The following DHX36 variants were observed in gnomAD, a reference collection of about 807,000 sequenced individuals.
DHX36 encodes the protein DEAH-box helicase 36.
DHX36 carries 50 observed loss-of-function variants against 139.0 expected under a neutral mutation model. The ratio of observed to expected loss-of-function variants is 0.36; its 90% confidence interval spans 0.29 to 0.46. The LOEUF (loss-of-function observed/expected upper bound fraction) is 0.46, where lower values mean the gene tolerates loss of function less well. Among genes scored for constraint, DHX36 ranks in the 20% least tolerant of loss-of-function variants. The pLI is 1.00. For missense variants in DHX36, 1,024 were observed against 1,211.3 expected, an observed-to-expected ratio of 0.85 and a Z score of 2.29; for synonymous variants, 425 against 401.9, an observed-to-expected ratio of 1.06 and a Z score of -0.69.
intron 22 of DHX36, 102 bp from the exon 23 acceptor site, chr3:154,277,820 C>G (rs1400032917): frequency 9.1e-7 from 1 of 1,095,018 alleles, no homozygotes; most frequent in Non-Finnish European, 1.2e-6. Context: ...TGGTAAAAAC[C>G]AAACAAATCC....
At chr3:154,323,056 C>T (rs1051084972) in intron 1 of DHX36, among the ~76,000 whole-genome samples, 6 of 152,170 alleles carry the variant, frequency 3.9e-5, no homozygotes, top group African/African-American at 1.4e-4. Flanking sequence ...TAGTCTAGGC[C>T]TGGCGTGGTG....
intron 13 of DHX36, 69 bp downstream of exon 13, chr3:154,295,215 C>T (rs760419447): frequency 2.2e-5 from 20 of 898,290 alleles, no homozygotes; most frequent in Admixed American, 5.7e-5. Context: ...AAGGAAAACA[C>T]GTAACAAGCA....
chr3:154,319,014 A>G (rs1393797889), intron 1 of DHX36: 1 of 152,152 alleles, frequency 6.6e-6, no homozygotes, highest in Non-Finnish European at 1.5e-5. Flanking sequence ...AAATAAAAAC[A>G]TTTGTATTTT....
At chr3:154,293,059 G>A (rs970446873) in intron 14 of DHX36, among the ~76,000 whole-genome samples, 1 of 151,998 alleles carries the variant, frequency 6.6e-6, no homozygotes, top group African/African-American at 2.4e-5. Context: ...TCAGCTTCCA[G>A]AAAAGAATCT....
chr3:154,295,895 G>A (rs1437137933), intron 12 of DHX36, among the ~76,000 whole-genome samples: 1 of 151,970 alleles, frequency 6.6e-6, no homozygotes, highest in East Asian at 1.9e-4. Flanking sequence ...AGCCTCCCGA[G>A]TAGCTGAGAC....
In DHX36 at chr3:154,312,871, ATATATATATATATATATATATATATATAT is replaced by A. The variant is rs1168202603; in HGVS notation, c.604-1226_604-1198del. ...AATTAAAATATATATATATATATAT[ATATATATATATATATATATATATATATAT>A]AAAATAAATAAAGAACTGTCTTTGG... On this transcript the variant is annotated intron_variant, in intron 3 of 24. Transcript: ENST00000496811. Among the ~76,000 whole-genome samples, 5 of 102,726 alleles carry A rather than the reference ATATATATATATATATATATATATATATAT, an allele frequency of 4.9e-5. No individual in the cohort carries two copies. In the South Asian group the frequency reaches 8.8e-4, roughly 18 times the overall value. 67.4% of individuals were successfully genotyped at this position (102,726 alleles called of 152,430 possible). A position where few individuals can be genotyped will look rare whatever the true frequency, so the allele number is the denominator to read the frequency against.
intron 12 of DHX36, among the ~76,000 whole-genome samples, chr3:154,297,421 C>T (rs1428139064): frequency 6.6e-6 from 1 of 152,174 alleles, no homozygotes; most frequent in Admixed American, 6.5e-5. Flanking sequence ...CATTAAGATT[C>T]TCTAGTTTTG....
chr3:154,293,350 T>G (rs983750678), intron 14 of DHX36, among the ~76,000 whole-genome samples: 1 of 152,074 alleles, frequency 6.6e-6, no homozygotes, highest in African/African-American at 2.4e-5. Flanking sequence ...GAGGTTGAGG[T>G]AATAGGATCA....
At chr3:154,323,084 C>T (rs532586735) in intron 1 of DHX36, among the ~76,000 whole-genome samples, 129 of 152,294 alleles carry the variant, frequency 8.5e-4, no homozygotes, top group Middle Eastern at 3.4e-3. Flanking sequence ...CCTGTAATCC[C>T]AGCACTTTGG....
intron 6 of DHX36, 71 bp downstream of exon 6, chr3:154,306,145 C>G: frequency 1.7e-6 from 2 of 1,150,756 alleles, no homozygotes; most frequent in East Asian, 2.4e-5. Context: ...GGAAAATATC[C>G]TTTCTTTTGA....
rs780381449 is a variant in DHX36, at chr3:154,311,617, G to C, written c.642+19C>G. 6 of 1,588,122 alleles carry C rather than the reference G, an allele frequency of 3.8e-6. No homozygotes were observed. In the African/African-American group the frequency reaches 8.2e-5, roughly 22 times the overall value. The stretch of plus-strand genomic sequence containing the variant: ...TTTAATTTGCAAATCAAATTAAATA[G>C]TGGAAAAAAGCACTTTACCTTTTGC... On this transcript the variant is annotated intron_variant, in intron 4 of 24. Coordinates refer to ENST00000496811, the MANE Select transcript of DHX36 (RefSeq NM_020865.3).
intron 2 of DHX36, 55 bp from the exon 3 acceptor site, chr3:154,315,335 GAACAAAACAA>G: frequency 1.6e-6 from 2 of 1,274,878 alleles, no homozygotes; most frequent in South Asian, 1.4e-5. Flanking sequence ...TCAAACACTG[GAACAAAACAA>G]AACAAAACAA....
intron 6 of DHX36, 160 bp from the exon 7 acceptor site, chr3:154,305,328 T>C (rs1712457172): frequency 1.7e-6 from 1 of 591,866 alleles, no homozygotes; most frequent in African/African-American, 1.9e-5. Context: ...AATGGGGTAA[T>C]GGGAAATACT....
chr3:154,312,773 A>T (rs1712807618), intron 3 of DHX36, among the ~76,000 whole-genome samples: 1 of 147,354 alleles, frequency 6.8e-6, no homozygotes, highest in Non-Finnish European at 1.5e-5. Context: ...GGTTGTGGTG[A>T]GCCGAGATCG....
rs1712766594 is a variant in DHX36 at position 154,311,630 on chromosome 3, CTT to C, written c.642+4_642+5del. 6.3e-7 allele frequency: 1 copy of C among 1,595,418 alleles called. No homozygotes were observed. Among genetic ancestry groups the C allele is most frequent in the Non-Finnish European group, 8.5e-7 (1 of 1,174,440 alleles). On this transcript the variant is annotated splice_donor_5th_base_variant and intron_variant, in intron 4 of 24. Transcript: ENST00000496811. ...TCAAATTAAATAGTGGAAAAAAGCA[CTT>C]TACCTTTTGCATTCCATACGAAGGC...
Position 154,289,829 on chromosome 3 carries a change from T to TAAA in DHX36, c.1815-6_1815-4dup. Reference sequence around the variant, plus strand: ...GATAGCAATGACCAGGTTGAACTCTTAAAAAAAAAACAAAACAAAATGAAA... The same window carrying TAAA: ...GATAGCAATGACCAGGTTGAACTCTTAAAAAAAAAAAAACAAAACAAAATGAAA... On this transcript the variant is annotated splice_polypyrimidine_tract_variant and splice_region_variant and intron_variant, in intron 15 of 24. Coordinates refer to ENST00000496811, the MANE Select transcript of DHX36 (RefSeq NM_020865.3). 5 of 1,394,950 alleles carry TAAA rather than the reference T, an allele frequency of 3.6e-6. No homozygotes were observed. The highest frequency in any genetic ancestry group is 1.4e-5 in the South Asian group (1 of 72,682). The allele number at this position is 1,394,950 out of a possible 1,614,324, so 86.4% of individuals were successfully genotyped here. A position where few individuals can be genotyped will look rare whatever the true frequency, so the allele number is the denominator to read the frequency against.
At position 154,284,098 on chromosome 3, in the gene DHX36, G is replaced by A. The variant is rs578187512; in HGVS notation, c.2292+485C>T. Reference sequence around the variant, plus strand: ...AATGAACTATTACAAAATTAAAAATGAATTATAACTTTTTTCAAATGTTCA... The same window carrying A: ...AATGAACTATTACAAAATTAAAAATAAATTATAACTTTTTTCAAATGTTCA... On this transcript the variant is annotated intron_variant, in intron 19 of 24. Transcript: ENST00000496811. 2.0e-5 allele frequency among the ~76,000 whole-genome samples: 3 copies of A among 152,192 alleles called. No homozygotes were observed. The South Asian group carries it at 6.2e-4, about 32-fold the overall frequency.
chr3:154,288,962 A>G lies in DHX36; in HGVS notation c.1935T>C (p.Ile645=). 6.6e-7 allele frequency: 1 copy of G among 1,521,480 alleles called. No homozygotes were observed. The highest frequency in any genetic ancestry group is 8.9e-7 in the Non-Finnish European group (1 of 1,119,836). 94.2% of individuals were successfully genotyped at this position (1,521,480 alleles called of 1,614,324 possible). ...AATAAGCAATTCCACCTAGCCTTAA[A>G]ATCTAAGTGGGGGAGACAAATATTA... is the stretch of plus-strand genomic sequence containing the variant. ...PLEELCLQIK[I]LRLGGIAYFL... is the part of the protein sequence containing the mutation. The change falls in exon 17 of 25, where the codon ATT becomes ATC. Residue 645 remains isoleucine, a splice_region_variant and synonymous_variant. Coordinates refer to ENST00000496811, the MANE Select transcript of DHX36 (RefSeq NM_020865.3).
chr3:154,286,639 C>T (rs750108726), intron 17 of DHX36, among the ~76,000 whole-genome samples: 2 of 151,646 alleles, frequency 1.3e-5, no homozygotes, highest in Non-Finnish European at 2.9e-5. Flanking sequence ...CCCAAATAAA[C>T]AGAGGAATAG....
Sources: gnomAD v4.1 joint callset for allele counts (sites outside exome capture counted in the v4.1 genomes callset) on GRCh38, gnomAD v4.1.1 for gene constraint, MANE v1.5 for transcripts, NCBI Gene and HGNC (gene_info 2026-07-23, HGNC 2026-07-21) for gene names.